Variants in ABHD2 observed in about 807,000 individuals in gnomAD.
ABHD2 encodes the protein monoacylglycerol lipase ABHD2.
In ABHD2, 20 loss-of-function variants were observed where a neutral mutation model predicts 48.1. The observed-to-expected ratio is 0.42, with a 90% CI of 0.29 to 0.60. The LOEUF (loss-of-function observed/expected upper bound fraction) is 0.60, where lower values mean the gene tolerates loss of function less well. Among genes scored for constraint, ABHD2 ranks in the 20% least tolerant of loss-of-function variants. The pLI is 0.24. For synonymous variants in ABHD2, 209 were observed against 214.2 expected (o/e 0.98, Z 0.21); for missense variants, 405 against 550.9 (o/e 0.74, Z 2.65).
the ABHD2 span, among the ~76,000 whole-genome samples, chr15:89,080,298 A>G: frequency 6.6e-6 from 1 of 152,214 alleles, no homozygotes; most frequent in Admixed American, 6.5e-5. Context: ...CCAAGAAAAC[A>G]CTTTATGTAG....
the ABHD2 span, among the ~76,000 whole-genome samples, chr15:89,050,838 G>C: frequency 6.6e-6 from 1 of 152,198 alleles, no homozygotes; most frequent in Non-Finnish European, 1.5e-5. Flanking sequence ...CTGAGGGAAA[G>C]GAGGCTGCAT....
In ABHD2 at chr15:89,185,679, C is replaced by T. The variant is rs913612419; in HGVS notation, c.815+163C>T. Among the ~76,000 whole-genome samples the T allele has an allele frequency of 1.3e-5, 2 of 151,556 alleles. No individual in the cohort carries two copies. The highest frequency in any genetic ancestry group is 6.6e-5 in the Admixed American group (1 of 15,254). On this transcript the variant is annotated intron_variant, in intron 7 of 10. Transcript: ENST00000352732. This position sits in a 1 kb window ranked among gnomAD's most constrained non-coding sequence, Gnocchi z 5.9. ...CATTTGTGACTTGATTAGAAACAAA[C>T]TTGTCTTGGCCAGGCGCGGTGGCTC...
Position 89,176,089 on chromosome 15 carries a change from A to G in ABHD2, c.722+94A>G, listed in dbSNP as rs2051008491. On this transcript the variant is annotated intron_variant, in intron 6 of 10. Transcript: ENST00000352732. This position sits in a 1 kb window ranked among gnomAD's most constrained non-coding sequence, Gnocchi z 4.5. ...ACACACTGTTCTGTGAAGACCGGGGAACACTGTGGCCGACTGAGTAGAAGT... is the reference window on the plus strand; with the variant it reads ...ACACACTGTTCTGTGAAGACCGGGGGACACTGTGGCCGACTGAGTAGAAGT... The G allele has an allele frequency of 2.2e-6, 3 of 1,335,084 alleles. No individual in the cohort carries two copies. In the Admixed American group the frequency reaches 7.3e-5, roughly 32 times the overall value. 82.7% of individuals were successfully genotyped at this position (1,335,084 alleles called of 1,614,324 possible).
chr15:89,054,046 G>C, the ABHD2 span, among the ~76,000 whole-genome samples: 1 of 152,180 alleles, frequency 6.6e-6, no homozygotes, highest in African/African-American at 2.4e-5. Context: ...GGAAAGGCAG[G>C]CACAGTGGCT....
At chr15:89,152,358 C>T (rs926612735) in intron 4 of ABHD2, among the ~76,000 whole-genome samples, 22 of 152,136 alleles carry the variant, frequency 1.4e-4, no homozygotes, top group Non-Finnish European at 2.5e-4. Flanking sequence ...GGATTACAGG[C>T]GTGAGCCACC....
intron 3 of ABHD2, among the ~76,000 whole-genome samples, chr15:89,119,250 G>A (rs879898654): frequency 6.6e-6 from 1 of 152,196 alleles, no homozygotes; most frequent in Non-Finnish European, 1.5e-5. Flanking sequence ...AGAGCATGTT[G>A]GAGCATTACT....
In ABHD2 at chr15:89,147,990, G is replaced by A. The variant is rs565465087; in HGVS notation, c.195-3687G>A. Among the ~76,000 whole-genome samples the A allele has an allele frequency of 4.2e-4, 63 of 151,492 alleles. 1 individual carries two copies. Among genetic ancestry groups the A allele is most frequent in the Admixed American group, 1.1e-3 (17 of 15,224 alleles). On this transcript the variant is annotated intron_variant, in intron 3 of 10. Coordinates refer to ENST00000352732, the MANE Select transcript of ABHD2 (RefSeq NM_152924.5). ...AAATCAGCCGGGCGTGATGACATGCGTGCCTGTAATCTGAGCTTCTAGGGA... is the reference window on the plus strand; with the variant it reads ...AAATCAGCCGGGCGTGATGACATGCATGCCTGTAATCTGAGCTTCTAGGGA...
chr15:89,123,193 G>C (rs1263497607), intron 3 of ABHD2, among the ~76,000 whole-genome samples: 1 of 152,184 alleles, frequency 6.6e-6, no homozygotes, highest in Non-Finnish European at 1.5e-5. Context: ...GCCCTCTCTG[G>C]ACGTGTCCGC....
chr15:89,199,695 G>C lies in ABHD2; in HGVS notation c.*4272G>C, dbSNP rs2051447085. 1 of 152,268 alleles carries C rather than the reference G, an allele frequency of 6.6e-6. No individual in the cohort carries two copies. The highest frequency in any genetic ancestry group is 6.6e-5 in the Admixed American group (1 of 15,224). 9.4% of individuals were successfully genotyped at this position (152,268 alleles called of 1,614,324 possible). A position where few individuals can be genotyped will look rare whatever the true frequency, so the allele number is the denominator to read the frequency against. ...TACTCTGTTGTTCAAAGCCACTTTGGATTGCTTGGATGCTTCGAACAGCCA... is the reference window on the plus strand; with the variant it reads ...TACTCTGTTGTTCAAAGCCACTTTGCATTGCTTGGATGCTTCGAACAGCCA... On this transcript the variant is annotated 3_prime_UTR_variant, in exon 11 of 11. Coordinates refer to ENST00000352732, the MANE Select transcript of ABHD2 (RefSeq NM_152924.5). The surrounding 1 kb of genome is among the most constrained non-coding windows in gnomAD (Gnocchi z 4.1).
intron 5 of ABHD2, among the ~76,000 whole-genome samples, chr15:89,160,314 T>G (rs2150903620): frequency 6.6e-6 from 1 of 152,230 alleles, no homozygotes; most frequent in East Asian, 1.9e-4. Flanking sequence ...TGTAAGTGTG[T>G]TAGTTGTTGA....
chr15:89,170,310 T>G (rs2050905063), intron 5 of ABHD2, among the ~76,000 whole-genome samples: 2 of 151,824 alleles, frequency 1.3e-5, no homozygotes, highest in African/African-American at 4.8e-5. Flanking sequence ...TTGGCCAGGC[T>G]GGTCTTGAAC....
At position 89,195,077 on chromosome 15, in the gene ABHD2, T is replaced by G. The variant is rs1299797144; in HGVS notation, c.1082-150T>G. On this transcript the variant is annotated intron_variant, in intron 10 of 10. Transcript: ENST00000352732. The surrounding 1 kb of genome is among the most constrained non-coding windows in gnomAD (Gnocchi z 5.1). The stretch of plus-strand genomic sequence containing the variant: ...GCCACTGTCTTGCCTGCCCCCTCTT[T>G]GGTGAACAAGGCAGAGTGAGTAGAG... 8.5e-6 allele frequency: 7 copies of G among 820,848 alleles called. No homozygotes were observed. Among genetic ancestry groups the G allele is most frequent in the African/African-American group, 1.7e-5 (1 of 57,872 alleles). 50.8% of individuals were successfully genotyped at this position (820,848 alleles called of 1,614,324 possible).
At chr15:89,078,677 A>T in the ABHD2 span, among the ~76,000 whole-genome samples, 5 of 151,576 alleles carry the variant, frequency 3.3e-5, no homozygotes, top group South Asian at 1.0e-3. Flanking sequence ...CTCCTGATGA[A>T]CTACCCCTAA....
Position 89,104,370 on chromosome 15 carries a change from A to AG in ABHD2, c.-106-9351dup, listed in dbSNP as rs1208285243. ...TTGTTCTCATCCCTGCTGAATTGGC[A>AG]GGGGAGGAGAGGGTCGTGGCCCATT... On this transcript the variant is annotated intron_variant, in intron 1 of 10. Coordinates refer to ENST00000352732, the MANE Select transcript of ABHD2 (RefSeq NM_152924.5). The surrounding 1 kb of genome is among the most constrained non-coding windows in gnomAD (Gnocchi z 4.4). 1 of 152,216 alleles carries AG rather than the reference A, an allele frequency of 6.6e-6. No individual in the cohort carries two copies. Among genetic ancestry groups the AG allele is most frequent in the African/African-American group, 2.4e-5 (1 of 41,464 alleles). The allele number at this position is 152,216 out of a possible 1,614,324, so 9.4% of individuals were successfully genotyped here.
At chr15:89,139,495 G>A (rs770731525) in intron 3 of ABHD2, among the ~76,000 whole-genome samples, 10 of 152,062 alleles carry the variant, frequency 6.6e-5, no homozygotes, top group Non-Finnish European at 8.8e-5. Context: ...CACTGTGTCC[G>A]GCTCTAATCT....
intron 1 of ABHD2, among the ~76,000 whole-genome samples, chr15:89,107,564 C>T (rs293388): frequency 0.31 from 47,136 of 151,828 alleles, 8,640 homozygotes; most frequent in Non-Finnish European, 0.43. Flanking sequence ...ATTAAAAATA[C>T]GGTAGTATTG....
At chr15:89,090,703 G>A (rs1901560865) in intron 1 of ABHD2, among the ~76,000 whole-genome samples, 1 of 152,214 alleles carries the variant, frequency 6.6e-6, no homozygotes, top group Non-Finnish European at 1.5e-5. Flanking sequence ...GGAATCCCTC[G>A]AAATGGTAAA....
the ABHD2 span, among the ~76,000 whole-genome samples, chr15:89,078,302 G>T: frequency 6.6e-6 from 1 of 152,046 alleles, no homozygotes; most frequent in Admixed American, 6.6e-5. Context: ...AGATTAATTG[G>T]ACTAAAATAT....
chr15:89,156,735 A>AT (rs398119062), intron 5 of ABHD2, among the ~76,000 whole-genome samples: 40 of 151,652 alleles, frequency 2.6e-4, no homozygotes, highest in Non-Finnish European at 5.2e-4. Context: ...AAAAAAAAAA[A>AT]TCCTGTTTTA....
Sources: allele counts gnomAD v4.1 joint callset (sites outside exome capture counted in the v4.1 genomes callset), GRCh38; gene constraint gnomAD v4.1.1; non-coding constraint Gnocchi (gnomAD v3.1); transcripts MANE v1.5; gene names NCBI Gene and HGNC (gene_info 2026-07-23, HGNC 2026-07-21).